Variants in QTGAL observed in about 807,000 individuals in gnomAD.
QTGAL encodes the protein BGnT-like protein 1.
chr17:82,996,514 T>C, the QTGAL span, among the ~76,000 whole-genome samples: 2 of 119,294 alleles, frequency 1.7e-5, no homozygotes, highest in African/African-American at 6.9e-5. Flanking sequence ...AGAGCGAGAC[T>C]CTGCCTCAAA....
At chr17:82,984,371 G>A in the QTGAL span, among the ~76,000 whole-genome samples, 1,059 of 21,566 alleles carry the variant, frequency 0.049, 13 homozygotes, top group Non-Finnish European at 0.053. Flanking sequence ...GCAGGGAGAG[G>A]CCACGTGATT....
the QTGAL span, chr17:82,942,369 C>G: frequency 4.4e-6 from 7 of 1,601,330 alleles, no homozygotes. Flanking sequence ...CACACAGGGC[C>G]CAGAGGGGTG....
the QTGAL span, among the ~76,000 whole-genome samples, chr17:83,045,839 G>A: frequency 6.9e-6 from 1 of 144,372 alleles, no homozygotes; most frequent in East Asian, 1.9e-4. Context: ...TTTTGAGACG[G>A]AGTTTTGCTC....
At chr17:82,965,929 G>A in the QTGAL span, among the ~76,000 whole-genome samples, 1 of 151,970 alleles carries the variant, frequency 6.6e-6, no homozygotes, top group Non-Finnish European at 1.5e-5. Flanking sequence ...CAGGGACGGG[G>A]CTCAAGGGGC....
chr17:82,958,491 A>G, the QTGAL span, among the ~76,000 whole-genome samples: 5 of 152,082 alleles, frequency 3.3e-5, no homozygotes, highest in Non-Finnish European at 5.9e-5. Flanking sequence ...TCGGGGCAGG[A>G]TTTCGCTGTT....
the QTGAL span, among the ~76,000 whole-genome samples, chr17:82,962,433 A>G: frequency 1.3e-5 from 2 of 152,212 alleles, no homozygotes; most frequent in African/African-American, 4.8e-5. Context: ...AGAAGCCCAC[A>G]TGCTGTCTCA....
the QTGAL span, chr17:83,048,591 G>T: frequency 6.2e-7 from 1 of 1,609,514 alleles, no homozygotes; most frequent in Non-Finnish European, 8.5e-7. Flanking sequence ...AACACTGGCA[G>T]GTCAGGAAAC....
At chr17:83,050,978 G>A in the QTGAL span, among the ~76,000 whole-genome samples, 1 of 151,526 alleles carries the variant, frequency 6.6e-6, no homozygotes, top group Non-Finnish European at 1.5e-5. Flanking sequence ...AATGTGTGAC[G>A]GCAGACGTGT....
At chr17:83,015,176 C>T in the QTGAL span, among the ~76,000 whole-genome samples, 1 of 149,682 alleles carries the variant, frequency 6.7e-6, no homozygotes, top group Non-Finnish European at 1.5e-5. The surrounding 1 kb of genome is among the most constrained non-coding windows in gnomAD (Gnocchi z 4.4). Context: ...CGGTGAGGAC[C>T]TGCCACCACT....
At chr17:82,984,209 A>G in the QTGAL span, among the ~76,000 whole-genome samples, 907 of 49,908 alleles carry the variant, frequency 0.018, 1 homozygote, top group African/African-American at 0.043. Context: ...GAGAGGCCAC[A>G]TGAGGACGTG....
chr17:83,027,576 C>G, the QTGAL span, among the ~76,000 whole-genome samples: 1 of 151,910 alleles, frequency 6.6e-6, no homozygotes. Context: ...GTGGATCATG[C>G]CTGTAATCTC....
At chr17:83,008,096 G>C in the QTGAL span, among the ~76,000 whole-genome samples, 1 of 152,246 alleles carries the variant, frequency 6.6e-6, no homozygotes, top group Non-Finnish European at 1.5e-5. Flanking sequence ...GCAGGGAAGA[G>C]GTGCGCTATG....
the QTGAL span, chr17:82,947,264 G>A: frequency 1.1e-4 from 49 of 453,432 alleles, no homozygotes; most frequent in Non-Finnish European, 1.6e-4. Context: ...GGGGGCACTC[G>A]GAATGGAATG....
At chr17:83,012,359 A>G in the QTGAL span, among the ~76,000 whole-genome samples, 12 of 152,366 alleles carry the variant, frequency 7.9e-5, no homozygotes, top group East Asian at 2.1e-3. Flanking sequence ...AATGAAGCCA[A>G]TCTGGGCTTG....
chr17:83,036,722 G>A, the QTGAL span, among the ~76,000 whole-genome samples: 59 of 152,288 alleles, frequency 3.9e-4, 1 homozygote, highest in Non-Finnish European at 7.3e-4. Context: ...GCAGACCACC[G>A]TCCTGGGTGC....
At chr17:82,957,438 C>G in the QTGAL span, 3 of 1,611,768 alleles carry the variant, frequency 1.9e-6, no homozygotes, top group East Asian at 2.2e-5. Flanking sequence ...GAAGGCCGCC[C>G]AGCGGGGCAG....
At chr17:82,950,536 C>CTA in the QTGAL span, among the ~76,000 whole-genome samples, 8 of 152,216 alleles carry the variant, frequency 5.3e-5, no homozygotes, top group African/African-American at 1.2e-4. Flanking sequence ...CCCGTTTACT[C>CTA]ACCTAAATGT....
chr17:83,003,071 CTCT>C, the QTGAL span, among the ~76,000 whole-genome samples: 11 of 32,920 alleles, frequency 3.3e-4, 1 homozygote, highest in South Asian at 1.3e-3. Flanking sequence ...CGCCCTCCCA[CTCT>C]CCGCAGTCCG....
At chr17:83,047,287 C>T in the QTGAL span, among the ~76,000 whole-genome samples, 2 of 152,112 alleles carry the variant, frequency 1.3e-5, no homozygotes, top group South Asian at 2.1e-4. Context: ...ATTGGTGAGG[C>T]CCCACCCTCA....
Sources: gnomAD v4.1 joint callset for allele counts (sites outside exome capture counted in the v4.1 genomes callset) on GRCh38, gnomAD v4.1.1 for gene constraint, Gnocchi (gnomAD v3.1) non-coding constraint, MANE v1.5 for transcripts, NCBI Gene and HGNC (gene_info 2026-07-23, HGNC 2026-07-21) for gene names.